CNTNAP2: variants seen among roughly 807,000 people sequenced by gnomAD.
CNTNAP2 encodes the protein contactin associated protein 2, also known as contactin-associated protein-like 2.
Under a neutral mutation model 155.2 loss-of-function variants are expected in CNTNAP2, and 98 were observed. The ratio of observed to expected loss-of-function variants is 0.63; its 90% CI spans 0.54 to 0.75. The LOEUF is 0.75. Ranked by LOEUF, CNTNAP2 falls within the 30% of genes least tolerant of loss-of-function variation. The pLI is 0.00. For synonymous variants in CNTNAP2, 651 were observed against 631.2 expected (o/e 1.03, Z -0.47); for missense variants, 1,727 against 1,688.1 (o/e 1.02, Z -0.40).
intron 8 of CNTNAP2, among the ~76,000 whole-genome samples, chr7:147,172,776 T>C (rs1802259103): frequency 6.6e-6 from 1 of 152,190 alleles, no homozygotes; most frequent in Non-Finnish European, 1.5e-5. Flanking sequence ...TCAGGACATT[T>C]TGTAATTTAA....
chr7:147,649,329 A>C (rs1795415304), intron 13 of CNTNAP2, among the ~76,000 whole-genome samples: 4 of 152,178 alleles, frequency 2.6e-5, no homozygotes, highest in Admixed American at 2.6e-4. Flanking sequence ...TAACCTTTTG[A>C]TTCTGAAAAG....
intron 3 of CNTNAP2, among the ~76,000 whole-genome samples, chr7:146,866,500 T>C (rs185500413): frequency 6.6e-6 from 1 of 152,098 alleles, no homozygotes; most frequent in African/African-American, 2.4e-5. Flanking sequence ...GCAATAATAT[T>C]AACATTCCCA....
At chr7:147,420,675 T>C (rs1240842843) in intron 10 of CNTNAP2, among the ~76,000 whole-genome samples, 1 of 152,192 alleles carries the variant, frequency 6.6e-6, no homozygotes, top group African/African-American at 2.4e-5. Flanking sequence ...TAGATTTTTT[T>C]AAAGAAATTA....
chr7:148,256,457 G>A (rs904224147), intron 20 of CNTNAP2, among the ~76,000 whole-genome samples: 6 of 152,062 alleles, frequency 3.9e-5, no homozygotes, highest in African/African-American at 1.4e-4. Flanking sequence ...ACGTGGCAGA[G>A]CCAGGGCCCA....
chr7:148,223,054 A>G (rs928212683), intron 19 of CNTNAP2, among the ~76,000 whole-genome samples: 2 of 152,188 alleles, frequency 1.3e-5, no homozygotes, highest in African/African-American at 4.8e-5. Flanking sequence ...TCTAACGCAT[A>G]TTCAGCAACC....
At chr7:147,159,264 G>A (rs1397455792) in intron 8 of CNTNAP2, among the ~76,000 whole-genome samples, 2 of 152,062 alleles carry the variant, frequency 1.3e-5, no homozygotes, top group African/African-American at 4.8e-5. Flanking sequence ...TCTATTAGAA[G>A]TATATAGGTA....
chr7:146,906,530 C>A (rs1291686731), intron 3 of CNTNAP2, among the ~76,000 whole-genome samples: 1 of 152,042 alleles, frequency 6.6e-6, no homozygotes, highest in Non-Finnish European at 1.5e-5. Flanking sequence ...AGGCACCCCC[C>A]AGCAGGGGCA....
rs758978379 is a variant in CNTNAP2 at position 148,172,270 on chromosome 7, G to C, written c.2802G>C (p.Leu934=). The change falls in exon 18 of 24, where the codon CTG becomes CTC. Residue 934 remains leucine, a synonymous_variant. Coordinates refer to ENST00000361727, the MANE Select transcript of CNTNAP2 (RefSeq NM_014141.6). The stretch of plus-strand genomic sequence containing the variant: ...GTGCTGGGGGCCAGCAGGGCTTCCT[G>C]GGCTGCATCCGCTCCTTGAGGATGA... ...VGGAGGQQGF[L]GCIRSLRMNG... is the part of the protein sequence containing the mutation. The C allele has an allele frequency of 6.2e-7, 1 of 1,614,028 alleles. No homozygotes were observed. Among genetic ancestry groups the C allele is most frequent in the Non-Finnish European group, 8.5e-7 (1 of 1,180,016 alleles).
At chr7:148,329,150 A>G (rs1021100305) in intron 21 of CNTNAP2, among the ~76,000 whole-genome samples, 22 of 152,100 alleles carry the variant, frequency 1.4e-4, no homozygotes, top group Non-Finnish European at 3.1e-4. Flanking sequence ...AGGACCACAG[A>G]TTCTGTCTGA....
chr7:148,329,073 G>T (rs1246151498), intron 21 of CNTNAP2, among the ~76,000 whole-genome samples: 1 of 151,236 alleles, frequency 6.6e-6, no homozygotes, highest in East Asian at 2.0e-4. Flanking sequence ...GCTGCCTGGG[G>T]CTGCTGGCCC....
At chr7:148,330,550 CGGATGGATAGAGT>C (rs1797973917) in intron 21 of CNTNAP2, among the ~76,000 whole-genome samples, 1 of 102,556 alleles carries the variant, frequency 9.8e-6, no homozygotes, top group East Asian at 3.3e-4. Context: ...ATGGAGTGCA[CGGATGGATAGAGT>C]GGATGGATGG....
intron 14 of CNTNAP2, among the ~76,000 whole-genome samples, chr7:147,916,682 A>AC (rs1262630736): frequency 1.3e-5 from 2 of 152,052 alleles, no homozygotes; most frequent in African/African-American, 4.8e-5. Context: ...TTTCTGAAAA[A>AC]AAAAAAAATG....
chr7:147,167,657 GC>G (rs1431316968), intron 8 of CNTNAP2: 3 of 432,370 alleles, frequency 6.9e-6, no homozygotes, highest in African/African-American at 6.2e-5. Flanking sequence ...CAGGGTATGG[GC>G]CACCTTATTA....
At chr7:147,947,658 A>G (rs73464217) in intron 14 of CNTNAP2, among the ~76,000 whole-genome samples, 4,781 of 152,012 alleles carry the variant, frequency 0.031, 267 homozygotes, top group African/African-American at 0.11. Context: ...AAATTCCAGC[A>G]AGAGTAGCTC....
intron 1 of CNTNAP2, among the ~76,000 whole-genome samples, chr7:146,146,048 T>C (rs1317830530): frequency 6.6e-6 from 1 of 152,168 alleles, no homozygotes; most frequent in Non-Finnish European, 1.5e-5. Flanking sequence ...TTTAAGAATA[T>C]TGTTCAGCTC....
At chr7:147,043,690 G>GA (rs1357150290) in intron 3 of CNTNAP2, among the ~76,000 whole-genome samples, 3 of 152,202 alleles carry the variant, frequency 2.0e-5, no homozygotes, top group African/African-American at 7.2e-5. Context: ...TGTTTACATG[G>GA]ATGAAAAGAC....
chr7:146,973,857 A>T (rs886859878), intron 3 of CNTNAP2, among the ~76,000 whole-genome samples: 2 of 152,192 alleles, frequency 1.3e-5, no homozygotes, highest in African/African-American at 4.8e-5. Context: ...TTCTAAAAGA[A>T]ATAATCATAA....
intron 8 of CNTNAP2, chr7:147,167,642 C>T (rs544316667): frequency 5.8e-5 from 30 of 515,970 alleles, no homozygotes; most frequent in South Asian, 3.2e-4. Flanking sequence ...GTGATATCAG[C>T]GGAGCAGGGT....
chr7:146,777,487 A>G (rs538680949), intron 2 of CNTNAP2, among the ~76,000 whole-genome samples: 1 of 152,310 alleles, frequency 6.6e-6, no homozygotes, highest in African/African-American at 2.4e-5. Flanking sequence ...GGTCAAGGGA[A>G]CTAGCATGAG....
Sources: allele counts gnomAD v4.1 joint callset (sites outside exome capture counted in the v4.1 genomes callset), GRCh38; gene constraint gnomAD v4.1.1; transcripts MANE v1.5; gene names NCBI Gene and HGNC (gene_info 2026-07-23, HGNC 2026-07-21).